Variants in MARCHF1 observed in about 807,000 individuals in gnomAD.
The protein encoded by MARCHF1 is membrane associated ring-CH-type finger 1.
MARCHF1 carries 40 observed loss-of-function variants against 54.2 expected under a neutral mutation model. The observed-to-expected ratio is 0.74, with a 90% CI of 0.57 to 0.96. The LOEUF is 0.96. Among genes scored for constraint, MARCHF1 ranks in the 40% least tolerant of loss-of-function variants. The probability of loss-of-function intolerance (pLI) is 0.00; values close to 1 mark genes in which losing one functional copy is unlikely to be tolerated. For missense variants in MARCHF1, 586 were observed against 656.5 expected (o/e 0.89, Z 1.17); for synonymous variants, 236 against 236.3 (o/e 1.00, Z 0.01).
chr4:163,524,751 C>G lies in MARCHF1; in HGVS notation c.*3997G>C, dbSNP rs1738040820. Reference sequence around the variant, plus strand: ...GCGTCACTTGTTTAATATACAAAGTCTTTCACAGATAATTATTTTCTTTTT... The same window carrying G: ...GCGTCACTTGTTTAATATACAAAGTGTTTCACAGATAATTATTTTCTTTTT... On this transcript the variant is annotated 3_prime_UTR_variant, in exon 10 of 10. Coordinates refer to ENST00000514618, the MANE Select transcript of MARCHF1 (RefSeq NM_001394959.1). The G allele has an allele frequency of 6.6e-6, 1 of 152,154 alleles. No homozygotes were observed. The highest frequency in any genetic ancestry group is 6.6e-5 in the Admixed American group (1 of 15,266). The allele number at this position is 152,154 out of a possible 1,614,324, so 9.4% of individuals were successfully genotyped here. A position where few individuals can be genotyped will look rare whatever the true frequency, so the allele number is the denominator to read the frequency against.
chr4:163,621,784 A>G (rs1741703123), intron 5 of MARCHF1, among the ~76,000 whole-genome samples: 1 of 152,058 alleles, frequency 6.6e-6, no homozygotes, highest in Non-Finnish European at 1.5e-5. Context: ...TTTACTCTCC[A>G]TTTATCCACC....
At chr4:164,111,124 T>C (rs111887271) in intron 2 of MARCHF1, among the ~76,000 whole-genome samples, 23 of 151,870 alleles carry the variant, frequency 1.5e-4, no homozygotes, top group Non-Finnish European at 3.2e-4. Context: ...ATGAATATGA[T>C]AATCCTTGAA....
chr4:163,929,946 T>TTATATATATTATTATATATATTA (rs1751623307), intron 3 of MARCHF1, among the ~76,000 whole-genome samples: 2 of 52,924 alleles, frequency 3.8e-5, no homozygotes, highest in Non-Finnish European at 6.3e-5. Context: ...TATATTTATA[T>TTATATATATTATTATATATATTA]TATATATATT....
At chr4:163,763,381 A>G (rs1227524940) in intron 4 of MARCHF1, among the ~76,000 whole-genome samples, 2 of 152,078 alleles carry the variant, frequency 1.3e-5, no homozygotes, top group Non-Finnish European at 2.9e-5. Flanking sequence ...AATGTTGATT[A>G]ATTTTATTTA....
At position 163,544,758 on chromosome 4, in the gene MARCHF1, T is replaced by C. The variant is rs746736908; in HGVS notation, c.1339+838A>G. 1.6e-4 allele frequency among the ~76,000 whole-genome samples: 24 copies of C among 152,348 alleles called. No homozygotes were observed. In the Middle Eastern group the frequency reaches 0.01, roughly 65 times the overall value. On this transcript the variant is annotated intron_variant, in intron 9 of 9. Transcript: ENST00000514618. ...TCCATTTTTTCTCTGGGTGTAGGGA[T>C]GTGCAAACATTTTTCACAACATTAC...
chr4:163,757,718 T>C (rs980930131), intron 4 of MARCHF1, among the ~76,000 whole-genome samples: 3 of 152,174 alleles, frequency 2.0e-5, no homozygotes, highest in African/African-American at 7.2e-5. Flanking sequence ...AATTTAAGGG[T>C]TCTGTTGACC....
chr4:164,056,824 G>A (rs1028799593), intron 2 of MARCHF1, among the ~76,000 whole-genome samples: 1 of 152,126 alleles, frequency 6.6e-6, no homozygotes, highest in African/African-American at 2.4e-5. Flanking sequence ...AATGCCAAGG[G>A]CTTGGAGCTG....
chr4:163,842,117 T>C (rs1254444319), intron 4 of MARCHF1, among the ~76,000 whole-genome samples: 1 of 152,062 alleles, frequency 6.6e-6, no homozygotes, highest in Non-Finnish European at 1.5e-5. Flanking sequence ...AAATTAAGCC[T>C]AAAAAAGAGA....
At chr4:163,556,072 C>A (rs1398665970) in intron 8 of MARCHF1, 1 of 427,274 alleles carries the variant, frequency 2.3e-6, no homozygotes, top group Non-Finnish European at 4.7e-6. Context: ...AGTTGACTTA[C>A]CCAGTCATTA....
chr4:163,914,844 G>A (rs181776782), intron 3 of MARCHF1, among the ~76,000 whole-genome samples: 9 of 152,232 alleles, frequency 5.9e-5, no homozygotes, highest in African/African-American at 1.9e-4. Context: ...GAGATTGAAT[G>A]TACACTAGGT....
intron 1 of MARCHF1, among the ~76,000 whole-genome samples, chr4:164,151,198 G>T (rs1021384781): frequency 6.6e-6 from 1 of 152,168 alleles, no homozygotes; most frequent in Non-Finnish European, 1.5e-5. Flanking sequence ...GCAATAATTT[G>T]TAGTAACAGC....
At chr4:163,723,490 C>A (rs1262631140) in intron 4 of MARCHF1, among the ~76,000 whole-genome samples, 1 of 152,140 alleles carries the variant, frequency 6.6e-6, no homozygotes, top group Non-Finnish European at 1.5e-5. Context: ...GTGAATCTGA[C>A]AATTATGTGT....
At chr4:163,918,937 T>G (rs1751367710) in intron 3 of MARCHF1, among the ~76,000 whole-genome samples, 1 of 152,130 alleles carries the variant, frequency 6.6e-6, no homozygotes, top group African/African-American at 2.4e-5. Flanking sequence ...TTTCCTCCTG[T>G]CGCCTGAATA....
chr4:163,980,367 C>G (rs936348500), intron 3 of MARCHF1, among the ~76,000 whole-genome samples: 65 of 139,634 alleles, frequency 4.7e-4, no homozygotes, highest in African/African-American at 1.4e-3. Context: ...AAAATCAATT[C>G]AAGATGGATT....
At chr4:164,084,726 A>G (rs1325674548) in intron 2 of MARCHF1, among the ~76,000 whole-genome samples, 1 of 73,426 alleles carries the variant, frequency 1.4e-5, no homozygotes, top group African/African-American at 3.2e-5. Context: ...AAAGTAAGCA[A>G]TGTTTTTTCA....
chr4:163,918,381 G>A (rs945725061), intron 3 of MARCHF1, among the ~76,000 whole-genome samples: 4 of 152,044 alleles, frequency 2.6e-5, no homozygotes, highest in Admixed American at 6.6e-5. Context: ...CTTTGACTGT[G>A]TTATACCTTT....
At chr4:164,126,336 G>C (rs1756179170) in intron 1 of MARCHF1, among the ~76,000 whole-genome samples, 1 of 152,174 alleles carries the variant, frequency 6.6e-6, no homozygotes, top group Non-Finnish European at 1.5e-5. Context: ...TTATGAACCA[G>C]AAAGTAGGTC....
chr4:163,997,287 T>C (rs1055421575), intron 2 of MARCHF1, among the ~76,000 whole-genome samples: 1 of 151,972 alleles, frequency 6.6e-6, no homozygotes, highest in Non-Finnish European at 1.5e-5. Flanking sequence ...AAAAACAGTA[T>C]GGGAGCAGGT....
chr4:164,352,443 TG>T (rs1730376810), intron 1 of MARCHF1, among the ~76,000 whole-genome samples: 1 of 140,974 alleles, frequency 7.1e-6, no homozygotes, highest in African/African-American at 2.6e-5. Context: ...CAGAAGAGAG[TG>T]GGGGCCAATA....
Sources: allele counts gnomAD v4.1 joint callset (sites outside exome capture counted in the v4.1 genomes callset), GRCh38; gene constraint gnomAD v4.1.1; transcripts MANE v1.5; gene names NCBI Gene and HGNC (gene_info 2026-07-23, HGNC 2026-07-21).